Variants in RNF220 observed in about 807,000 individuals in gnomAD.
The protein encoded by RNF220 is E3 ubiquitin-protein ligase RNF220.
Under a neutral mutation model 67.1 loss-of-function variants are expected in RNF220, and 7 were observed. That is an observed-to-expected ratio of 0.10 (90% CI 0.06 to 0.20). The LOEUF (loss-of-function observed/expected upper bound fraction) is 0.20, where lower values mean the gene tolerates loss of function less well. Among genes scored for constraint, RNF220 ranks in the 10% least tolerant of loss-of-function variants. The pLI is 1.00. For missense variants in RNF220, 565 were observed against 740.3 expected (o/e 0.76, Z 2.75); for synonymous variants, 270 against 283.2 (o/e 0.95, Z 0.47).
rs367619181 is a variant in RNF220, at chr1:44,605,737, G to C, written c.626-8428G>C. ...AGGCCACGTGGAAGAAGGAACCCTA[G>C]GTTGCATCCTAAAGGATGAGGAAGA... On this transcript the variant is annotated intron_variant, in intron 2 of 14. Coordinates refer to ENST00000361799, the MANE Select transcript of RNF220 (RefSeq NM_018150.4). Among the ~76,000 whole-genome samples, 7 of 152,268 alleles carry C rather than the reference G, an allele frequency of 4.6e-5. No individual in the cohort carries two copies. The East Asian group carries it at 9.6e-4, about 21-fold the overall frequency.
chr1:44,443,253 T>A (rs900436484), intron 2 of RNF220, among the ~76,000 whole-genome samples: 1 of 152,260 alleles, frequency 6.6e-6, no homozygotes, highest in Non-Finnish European at 1.5e-5. Context: ...TTTTGATTTA[T>A]CATGCTAATG....
intron 2 of RNF220, among the ~76,000 whole-genome samples, chr1:44,426,428 T>G (rs1049129528): frequency 1.3e-5 from 2 of 152,078 alleles, no homozygotes; most frequent in Admixed American, 1.3e-4. Context: ...AGCAAGAATT[T>G]GAAAAAGGCT....
In RNF220 at chr1:44,614,317, G is replaced by T. The variant is rs371562161; in HGVS notation, c.758+20G>T. The T allele has an allele frequency of 6.2e-7, 1 of 1,611,988 alleles. No homozygotes were observed. Among genetic ancestry groups the T allele is most frequent in the African/African-American group, 1.3e-5 (1 of 74,906 alleles). On this transcript the variant is annotated intron_variant, in intron 3 of 14. Transcript: ENST00000361799. ...CTCGAGGTAAGCCACCTCCCAGGGA[G>T]CCTGCCTGCTGGAGGAGTCCACTCA...
chr1:44,556,294 A>C (rs1663074586), intron 2 of RNF220, among the ~76,000 whole-genome samples: 1 of 150,610 alleles, frequency 6.6e-6, no homozygotes, highest in Admixed American at 6.6e-5. Flanking sequence ...TCAGCCTCCC[A>C]AAGTGCTGAG....
intron 2 of RNF220, among the ~76,000 whole-genome samples, chr1:44,489,042 T>C (rs1181647245): frequency 6.6e-6 from 1 of 152,182 alleles, no homozygotes; most frequent in Non-Finnish European, 1.5e-5. Context: ...TATTCTATTG[T>C]ATTTAATTAA....
intron 2 of RNF220, among the ~76,000 whole-genome samples, chr1:44,592,538 G>A (rs1198670830): frequency 1.3e-5 from 2 of 152,210 alleles, no homozygotes; most frequent in Non-Finnish European, 2.9e-5. Flanking sequence ...TGGGCTCCCA[G>A]GTTGGCAGCC....
intron 2 of RNF220, among the ~76,000 whole-genome samples, chr1:44,535,429 G>A (rs1241421967): frequency 6.6e-6 from 1 of 152,104 alleles, no homozygotes; most frequent in African/African-American, 2.4e-5. Flanking sequence ...ATGAGCCACC[G>A]TGCCCGGCCA....
At chr1:44,613,389 T>C (rs12748616) in intron 2 of RNF220, among the ~76,000 whole-genome samples, 521 of 104,526 alleles carry the variant, frequency 5.0e-3, no homozygotes, top group Middle Eastern at 0.049. Context: ...AATAGGGCTC[T>C]TCAACCCCAC....
chr1:44,408,361 G>A (rs1278499976), intron 1 of RNF220, among the ~76,000 whole-genome samples: 1 of 152,198 alleles, frequency 6.6e-6, no homozygotes, highest in Non-Finnish European at 1.5e-5. Flanking sequence ...AAACACAGGC[G>A]TCGGCCCTAG....
intron 2 of RNF220, among the ~76,000 whole-genome samples, chr1:44,429,741 C>T (rs1269756012): frequency 6.6e-6 from 1 of 152,104 alleles, no homozygotes; most frequent in Non-Finnish European, 1.5e-5. Flanking sequence ...AGTGGGGAAA[C>T]AGGGTGGGGA....
intron 2 of RNF220, among the ~76,000 whole-genome samples, chr1:44,584,459 T>C (rs1041070632): frequency 6.6e-6 from 1 of 152,188 alleles, no homozygotes. Flanking sequence ...AACAAGATCA[T>C]TGGGATGTTG....
At chr1:44,533,576 C>G (rs958681278) in intron 2 of RNF220, among the ~76,000 whole-genome samples, 5 of 152,238 alleles carry the variant, frequency 3.3e-5, no homozygotes, top group African/African-American at 1.2e-4. Flanking sequence ...TAAGTACTTG[C>G]TTTCGGCCAG....
chr1:44,548,827 C>T (rs1662385977), intron 2 of RNF220, among the ~76,000 whole-genome samples: 1 of 152,156 alleles, frequency 6.6e-6, no homozygotes. Flanking sequence ...ATGCTGTCTT[C>T]CCTAACCCCT....
At chr1:44,415,955 G>C (rs1197894210) in intron 2 of RNF220, among the ~76,000 whole-genome samples, 2 of 152,218 alleles carry the variant, frequency 1.3e-5, no homozygotes, top group Non-Finnish European at 2.9e-5. Flanking sequence ...CTGGTAGGCA[G>C]GATTTCTTTT....
rs1398682076 is a variant in RNF220, at chr1:44,649,388, T to C, written c.1446-273T>C. On this transcript the variant is annotated intron_variant, in intron 12 of 14. Coordinates refer to ENST00000361799, the MANE Select transcript of RNF220 (RefSeq NM_018150.4). This position sits in a 1 kb window ranked among gnomAD's most constrained non-coding sequence, Gnocchi z 5.9. ...GAGATACTAGGAGAGATGACAGATT[T>C]GGGTGGTTGGGAAGACTGCGAAGGA... 2.0e-6 allele frequency: 1 copy of C among 502,428 alleles called. No homozygotes were observed. Among genetic ancestry groups the C allele is most frequent in the Non-Finnish European group, 3.6e-6 (1 of 276,866 alleles). 31.1% of individuals were successfully genotyped at this position (502,428 alleles called of 1,614,324 possible).
chr1:44,532,866 T>G (rs1235227536), intron 2 of RNF220, among the ~76,000 whole-genome samples: 2 of 152,198 alleles, frequency 1.3e-5, no homozygotes, highest in Non-Finnish European at 2.9e-5. Flanking sequence ...TTCTGCTGAA[T>G]GGTCCTGCCC....
chr1:44,619,903 G>A (rs1049907809), intron 3 of RNF220, among the ~76,000 whole-genome samples: 2 of 152,190 alleles, frequency 1.3e-5, no homozygotes, highest in African/African-American at 4.8e-5. Flanking sequence ...GAGGCAAGGA[G>A]TCTCAGGTAG....
chr1:44,617,842 G>A (rs1401766910), intron 3 of RNF220, among the ~76,000 whole-genome samples: 1 of 152,036 alleles, frequency 6.6e-6, no homozygotes, highest in Non-Finnish European at 1.5e-5. Flanking sequence ...CACATCTTTG[G>A]AGGCTTCCTC....
rs374199001 is a variant in RNF220 at position 44,650,794 on chromosome 1, G to T, written c.*19G>T. 4 of 1,611,716 alleles carry T rather than the reference G, an allele frequency of 2.5e-6. No individual in the cohort carries two copies. Among genetic ancestry groups the T allele is most frequent in the South Asian group, 1.1e-5 (1 of 91,076 alleles). Reference sequence around the variant, plus strand: ...CTTGTGAGCTATCTGCCCCAGGCAGGCCTCGCCTCCAGCAGCCCCACCTGC... The same window carrying T: ...CTTGTGAGCTATCTGCCCCAGGCAGTCCTCGCCTCCAGCAGCCCCACCTGC... On this transcript the variant is annotated 3_prime_UTR_variant, in exon 15 of 15. Transcript: ENST00000361799. The surrounding 1 kb of genome is among the most constrained non-coding windows in gnomAD (Gnocchi z 4.3).
Sources: gnomAD v4.1 joint callset for allele counts (sites outside exome capture counted in the v4.1 genomes callset) on GRCh38, gnomAD v4.1.1 for gene constraint, Gnocchi (gnomAD v3.1) non-coding constraint, MANE v1.5 for transcripts, NCBI Gene and HGNC (gene_info 2026-07-23, HGNC 2026-07-21) for gene names.